PEX14: variants seen among roughly 807,000 people sequenced by gnomAD.
The protein encoded by PEX14 is peroxisomal membrane protein PEX14.
Under a neutral mutation model 49.5 loss-of-function variants are expected in PEX14, and 15 were observed. The observed-to-expected ratio is 0.30, with a 90% confidence interval of 0.20 to 0.47. The LOEUF (loss-of-function observed/expected upper bound fraction) is 0.47, where lower values mean the gene tolerates loss of function less well. Among genes scored for constraint, PEX14 ranks in the 20% least tolerant of loss-of-function variants. The probability of loss-of-function intolerance (pLI) is 1.00; values close to 1 mark genes in which losing one functional copy is unlikely to be tolerated. For synonymous variants in PEX14, 210 were observed against 212.7 expected (o/e 0.99, Z 0.11); for missense variants, 398 against 494.8 (o/e 0.80, Z 1.86).
intron 2 of PEX14, among the ~76,000 whole-genome samples, chr1:10,525,296 A>G (rs1638438390): frequency 6.6e-6 from 1 of 151,716 alleles, no homozygotes; most frequent in South Asian, 2.1e-4. Flanking sequence ...CACAGCCCTT[A>G]TGTCATTACT....
chr1:10,628,164 G>A lies in PEX14; in HGVS notation c.677+801G>A, dbSNP rs186048487. On this transcript the variant is annotated intron_variant, in intron 8 of 8. Transcript: ENST00000356607. This position sits in a 1 kb window ranked among gnomAD's most constrained non-coding sequence, Gnocchi z 4.5. The stretch of plus-strand genomic sequence containing the variant: ...TTGGCCAGGCTGGTCTTGAATTCCC[G>A]ACCTCAGGTCATCTGCCCATGGCCT... Among the ~76,000 whole-genome samples, 5 of 152,306 alleles carry A rather than the reference G, an allele frequency of 3.3e-5. No homozygotes were observed. The highest frequency in any genetic ancestry group is 5.9e-5 in the Non-Finnish European group (4 of 68,024).
At chr1:10,533,585 G>C (rs956118214) in intron 2 of PEX14, among the ~76,000 whole-genome samples, 1 of 152,084 alleles carries the variant, frequency 6.6e-6, no homozygotes, top group Non-Finnish European at 1.5e-5. Context: ...CTTCTTAAAT[G>C]AATTACTAAT....
intron 3 of PEX14, among the ~76,000 whole-genome samples, chr1:10,550,783 G>C (rs1639312148): frequency 6.6e-6 from 1 of 152,226 alleles, no homozygotes; most frequent in Non-Finnish European, 1.5e-5. Context: ...TCAGGGTGTA[G>C]TCTGCGCCTG....
Position 10,613,420 on chromosome 1 carries a change from C to T in PEX14, c.299-4912C>T, listed in dbSNP as rs1346951560. 1.3e-5 allele frequency among the ~76,000 whole-genome samples: 2 copies of T among 152,120 alleles called. No individual in the cohort carries two copies. The highest frequency in any genetic ancestry group is 1.3e-4 in the Admixed American group (2 of 15,276). ...CAGAGCTTAAGCTAGTTCGTGGAGT[C>T]CTTGGAAGGTTGGGTTTTGAAGAGC... On this transcript the variant is annotated intron_variant, in intron 4 of 8. Transcript: ENST00000356607. The surrounding 1 kb of genome is among the most constrained non-coding windows in gnomAD (Gnocchi z 5.0).
chr1:10,483,879 G>A (rs142763418), intron 1 of PEX14, among the ~76,000 whole-genome samples: 1 of 151,494 alleles, frequency 6.6e-6, no homozygotes, highest in Non-Finnish European at 1.5e-5. Flanking sequence ...AATCTGAACT[G>A]TTTTCTATTA....
intron 6 of PEX14, 41 bp from the exon 7 acceptor site, chr1:10,624,298 GC>G: frequency 3.1e-6 from 4 of 1,273,850 alleles, no homozygotes; most frequent in Non-Finnish European, 4.6e-6. Context: ...GAACGTCTGT[GC>G]CTGTGAATTT....
chr1:10,507,779 A>G (rs1641812329), intron 2 of PEX14, among the ~76,000 whole-genome samples: 1 of 152,110 alleles, frequency 6.6e-6, no homozygotes, highest in African/African-American at 2.4e-5. Flanking sequence ...AGGATCTTTT[A>G]TTTCTACTTT....
At chr1:10,519,983 G>A (rs1490523986) in intron 2 of PEX14, among the ~76,000 whole-genome samples, 1 of 151,980 alleles carries the variant, frequency 6.6e-6, no homozygotes, top group Non-Finnish European at 1.5e-5. Context: ...AGTGGTGAGA[G>A]TAAAATAAAA....
intron 4 of PEX14, 72 bp from the exon 5 acceptor site, chr1:10,618,260 A>C: frequency 1.7e-6 from 2 of 1,170,092 alleles, no homozygotes; most frequent in Non-Finnish European, 2.6e-6. Context: ...CCACTGAGGC[A>C]CCTGTGCCAG....
chr1:10,527,114 T>G (rs979579801), intron 2 of PEX14, among the ~76,000 whole-genome samples: 3 of 149,746 alleles, frequency 2.0e-5, no homozygotes, highest in African/African-American at 7.4e-5. Context: ...CTCAGGAGGC[T>G]GAGACAGGAG....
intron 3 of PEX14, among the ~76,000 whole-genome samples, chr1:10,598,653 CTTGTTTTG>C (rs1640895531): frequency 1.3e-5 from 2 of 152,200 alleles, no homozygotes; most frequent in African/African-American, 4.8e-5. Context: ...TGGGCCTGGC[CTTGTTTTG>C]ATCTGTTTTC....
rs1641845403 is a variant in PEX14, at chr1:10,629,475, C to G, written c.678-56C>G. 7.7e-7 allele frequency: 1 copy of G among 1,292,716 alleles called. No homozygotes were observed. Among genetic ancestry groups the G allele is most frequent in the Non-Finnish European group, 1.1e-6 (1 of 896,114 alleles). 80.1% of individuals were successfully genotyped at this position (1,292,716 alleles called of 1,614,324 possible). A position where few individuals can be genotyped will look rare whatever the true frequency, so the allele number is the denominator to read the frequency against. On this transcript the variant is annotated intron_variant, in intron 8 of 8. Transcript: ENST00000356607. This position sits in a 1 kb window ranked among gnomAD's most constrained non-coding sequence, Gnocchi z 8.5. ...GCGGGTCAGGGAAGGCGTGGCCCTT[C>G]GAAGGGGGGCGTCCTGAATGCCGCC...
intron 3 of PEX14, among the ~76,000 whole-genome samples, chr1:10,537,026 G>T (rs971102989): frequency 3.9e-5 from 6 of 152,114 alleles, no homozygotes; most frequent in Admixed American, 1.3e-4. Flanking sequence ...TCCTCCCAAA[G>T]CAAAACTCTT....
chr1:10,574,392 G>C (rs1640063722), intron 3 of PEX14, among the ~76,000 whole-genome samples: 1 of 152,212 alleles, frequency 6.6e-6, no homozygotes, highest in Non-Finnish European at 1.5e-5. Context: ...AGTACTGGGA[G>C]ATGTTCTGGA....
At chr1:10,609,369 A>G (rs945733599) in intron 4 of PEX14, among the ~76,000 whole-genome samples, 4 of 152,198 alleles carry the variant, frequency 2.6e-5, no homozygotes, top group Non-Finnish European at 4.4e-5. Context: ...TATAATTTAC[A>G]TACAATAAGA....
At chr1:10,506,322 C>T (rs530804911) in intron 2 of PEX14, among the ~76,000 whole-genome samples, 2 of 152,286 alleles carry the variant, frequency 1.3e-5, no homozygotes, top group Non-Finnish European at 2.9e-5. Context: ...TGTTGCTGCC[C>T]AGGCTGGAGT....
chr1:10,591,613 C>T (rs547578002), intron 3 of PEX14, among the ~76,000 whole-genome samples: 1 of 150,372 alleles, frequency 6.7e-6, no homozygotes, highest in Non-Finnish European at 1.5e-5. Context: ...TTCCTGTCCT[C>T]CTTTTCTTTC....
intron 3 of PEX14, among the ~76,000 whole-genome samples, chr1:10,553,383 G>A (rs1464611968): frequency 6.6e-6 from 1 of 152,124 alleles, no homozygotes; most frequent in Non-Finnish European, 1.5e-5. Context: ...GGAGGTGCGG[G>A]GGACCCTGTC....
chr1:10,614,035 C>T (rs771073277), intron 4 of PEX14, among the ~76,000 whole-genome samples: 9 of 152,206 alleles, frequency 5.9e-5, no homozygotes, highest in Non-Finnish European at 1.0e-4. Flanking sequence ...AGTTCCCTTG[C>T]GGGGTCTGCA....
Sources: allele counts gnomAD v4.1 joint callset (sites outside exome capture counted in the v4.1 genomes callset), GRCh38; gene constraint gnomAD v4.1.1; non-coding constraint Gnocchi (gnomAD v3.1); transcripts MANE v1.5; gene names NCBI Gene and HGNC (gene_info 2026-07-23, HGNC 2026-07-21).